The following JAKMIP2 variants were observed in gnomAD, a reference collection of about 807,000 sequenced individuals.
The protein encoded by JAKMIP2 is janus kinase and microtubule interacting protein 2.
In JAKMIP2, 25 loss-of-function variants were observed where a neutral mutation model predicts 115.0. The ratio of observed to expected loss-of-function variants is 0.22; its 90% CI spans 0.16 to 0.30. JAKMIP2 has a LOEUF of 0.30. Among genes scored for constraint, JAKMIP2 ranks in the 10% least tolerant of loss-of-function variants. JAKMIP2 has a pLI of 1.00. For missense variants in JAKMIP2, 642 were observed against 957.6 expected (o/e 0.67, Z 4.35); for synonymous variants, 334 against 343.6 (o/e 0.97, Z 0.31).
intron 2 of JAKMIP2, 93 bp downstream of exon 2, chr5:147,671,585 C>G (rs1374372809): frequency 1.7e-6 from 2 of 1,146,734 alleles, no homozygotes; most frequent in Non-Finnish European, 2.3e-6. Context: ...CAGGAGTCCA[C>G]TGGGGTAGGC....
chr5:147,769,115 G>A (rs1037746930), intron 1 of JAKMIP2, among the ~76,000 whole-genome samples: 7 of 152,078 alleles, frequency 4.6e-5, no homozygotes, highest in Non-Finnish European at 7.4e-5. Context: ...GTTGTCAAAT[G>A]ATCAGAACTC....
intron 1 of JAKMIP2, among the ~76,000 whole-genome samples, chr5:147,694,682 A>G (rs1462359526): frequency 6.6e-6 from 1 of 152,112 alleles, no homozygotes; most frequent in African/African-American, 2.4e-5. Context: ...TCTACTTTTG[A>G]GACTGCATCT....
At chr5:147,627,299 T>G (rs1757138892) in intron 16 of JAKMIP2, among the ~76,000 whole-genome samples, 6 of 152,016 alleles carry the variant, frequency 3.9e-5, no homozygotes, top group Admixed American at 3.9e-4. Context: ...TATGGGGAAG[T>G]CTGATGCTCA....
chr5:147,665,729 G>C (rs1475098641), intron 2 of JAKMIP2, among the ~76,000 whole-genome samples: 1 of 152,136 alleles, frequency 6.6e-6, no homozygotes, highest in Non-Finnish European at 1.5e-5. Flanking sequence ...ACTAGATTGT[G>C]TACGGAAAAG....
intron 1 of JAKMIP2, among the ~76,000 whole-genome samples, chr5:147,698,632 G>T (rs1014559086): frequency 6.6e-6 from 1 of 152,058 alleles, no homozygotes; most frequent in Non-Finnish European, 1.5e-5. Flanking sequence ...AGATCTGATG[G>T]TCTTATTAGG....
At chr5:147,656,520 T>G (rs1175532948) in intron 3 of JAKMIP2, among the ~76,000 whole-genome samples, 1 of 152,218 alleles carries the variant, frequency 6.6e-6, no homozygotes, top group Non-Finnish European at 1.5e-5. Context: ...CTGCTTTTTT[T>G]TGCTTTCCAT....
intron 3 of JAKMIP2, among the ~76,000 whole-genome samples, chr5:147,654,349 G>A (rs528796993): frequency 1.3e-5 from 2 of 152,118 alleles, no homozygotes; most frequent in Non-Finnish European, 2.9e-5. Flanking sequence ...CCATGAGGAT[G>A]GAATGTTTTT....
chr5:147,670,742 C>A (rs936790511), intron 2 of JAKMIP2, among the ~76,000 whole-genome samples: 1 of 152,158 alleles, frequency 6.6e-6, no homozygotes, highest in Non-Finnish European at 1.5e-5. Context: ...TACCTCAGTA[C>A]AGCTGTGATG....
chr5:147,599,922 A>G (rs1755607106), intron 21 of JAKMIP2, among the ~76,000 whole-genome samples: 1 of 152,114 alleles, frequency 6.6e-6, no homozygotes, highest in South Asian at 2.1e-4. Context: ...ATTACTTAGA[A>G]CAGCTCCCAG....
chr5:147,632,645 G>A (rs202019430), intron 13 of JAKMIP2, 35 bp downstream of exon 13: 24 of 1,316,436 alleles, frequency 1.8e-5, no homozygotes, highest in Middle Eastern at 1.9e-4. Flanking sequence ...TAATCATTAC[G>A]ATTATTTTTA....
chr5:147,726,676 T>A (rs1753530983), intron 1 of JAKMIP2, among the ~76,000 whole-genome samples: 2 of 152,218 alleles, frequency 1.3e-5, no homozygotes, highest in South Asian at 4.1e-4. Context: ...AAGCCCACTG[T>A]TAAAGCCAGC....
chr5:147,713,389 AT>A (rs1310265707), intron 1 of JAKMIP2, among the ~76,000 whole-genome samples: 1 of 152,212 alleles, frequency 6.6e-6, no homozygotes, highest in Non-Finnish European at 1.5e-5. Flanking sequence ...CATTCACTAT[AT>A]ACCAGGTACT....
intron 16 of JAKMIP2, among the ~76,000 whole-genome samples, chr5:147,626,422 T>C (rs1359513153): frequency 1.3e-5 from 2 of 152,198 alleles, no homozygotes; most frequent in East Asian, 3.9e-4. Flanking sequence ...CTGCAAAGCC[T>C]ATTTCCCACA....
At chr5:147,718,804 G>T (rs1435779729) in intron 1 of JAKMIP2, among the ~76,000 whole-genome samples, 1 of 151,786 alleles carries the variant, frequency 6.6e-6, no homozygotes, top group Non-Finnish European at 1.5e-5. Context: ...ACCAGCTCCT[G>T]GATTCATTTA....
chr5:147,726,634 C>A (rs904081861), intron 1 of JAKMIP2, among the ~76,000 whole-genome samples: 8 of 152,064 alleles, frequency 5.3e-5, no homozygotes, highest in Non-Finnish European at 8.8e-5. Flanking sequence ...AAGAGGAGTA[C>A]CTTAGGATAG....
intron 21 of JAKMIP2, among the ~76,000 whole-genome samples, chr5:147,597,304 CTTAAG>C (rs1473759578): frequency 2.0e-5 from 3 of 152,100 alleles, no homozygotes; most frequent in African/African-American, 7.2e-5. Flanking sequence ...CTTAATTTTT[CTTAAG>C]TTTTTTTCCA....
intron 1 of JAKMIP2, among the ~76,000 whole-genome samples, chr5:147,676,118 G>C (rs2126818600): frequency 6.6e-6 from 1 of 152,264 alleles, no homozygotes; most frequent in South Asian, 2.1e-4. Context: ...CGGATCACGA[G>C]GTCAGGAGAT....
At chr5:147,729,387 G>A (rs915167978) in intron 1 of JAKMIP2, among the ~76,000 whole-genome samples, 1 of 152,108 alleles carries the variant, frequency 6.6e-6, no homozygotes, top group Non-Finnish European at 1.5e-5. Flanking sequence ...CCTGGGTGTG[G>A]GGCAGGGGAG....
Position 147,724,060 on chromosome 5 carries a change from T to C in JAKMIP2, c.-148-52106A>G, listed in dbSNP as rs1446732403. On this transcript the variant is annotated intron_variant, in intron 1 of 21. Transcript: ENST00000616793. ...AACCAGACACTTCAGTGAGGACTTA[T>C]TTTGTGCCACTGAAAGAGGATAGGG... is the stretch of plus-strand genomic sequence containing the variant. 2.0e-5 allele frequency among the ~76,000 whole-genome samples: 3 copies of C among 152,206 alleles called. No individual in the cohort carries two copies. The East Asian group carries it at 5.8e-4, about 29-fold the overall frequency.
Sources: gnomAD v4.1 joint callset for allele counts (sites outside exome capture counted in the v4.1 genomes callset) on GRCh38, gnomAD v4.1.1 for gene constraint, MANE v1.5 for transcripts, NCBI Gene and HGNC (gene_info 2026-07-23, HGNC 2026-07-21) for gene names.